RIT2: variants seen among roughly 807,000 people sequenced by gnomAD.
The protein encoded by RIT2 is Ras like without CAAX 2.
RIT2 carries 24 observed loss-of-function variants against 23.7 expected under a neutral mutation model. The ratio of observed to expected loss-of-function variants is 1.01; its 90% CI spans 0.73 to 1.43. The LOEUF (loss-of-function observed/expected upper bound fraction) is 1.43. Among genes scored for constraint, RIT2 ranks in the 40% most tolerant of loss-of-function variants. The probability of loss-of-function intolerance (pLI) is 0.00; values close to 1 mark genes in which losing one functional copy is unlikely to be tolerated. For missense variants in RIT2, 236 were observed against 266.9 expected (o/e 0.88, Z 0.81); for synonymous variants, 107 against 91.1 (o/e 1.17, Z -0.99).
At chr18:42,826,511 G>A (rs1906302076) in intron 4 of RIT2, among the ~76,000 whole-genome samples, 1 of 152,020 alleles carries the variant, frequency 6.6e-6, no homozygotes, top group Non-Finnish European at 1.5e-5. Flanking sequence ...CCAGCAACCT[G>A]AGATAAAGAA....
At chr18:42,780,059 T>TTTG (rs1913773928) in intron 4 of RIT2, among the ~76,000 whole-genome samples, 2 of 136,328 alleles carry the variant, frequency 1.5e-5, no homozygotes, top group Non-Finnish European at 3.2e-5. Flanking sequence ...TTTTTTTTTT[T>TTTG]TTTTTTTTTT....
intron 1 of RIT2, among the ~76,000 whole-genome samples, chr18:43,109,974 T>G (rs1913916249): frequency 6.6e-6 from 1 of 152,174 alleles, no homozygotes; most frequent in Non-Finnish European, 1.5e-5. Flanking sequence ...AGAAAGCCTG[T>G]GTTCATGTCC....
chr18:42,949,820 C>G (rs1909808107), intron 3 of RIT2, among the ~76,000 whole-genome samples: 1 of 152,106 alleles, frequency 6.6e-6, no homozygotes, highest in Non-Finnish European at 1.5e-5. Context: ...AAAAGTCTCA[C>G]TGAATCTTTA....
Position 42,808,905 on chromosome 18 carries a change from T to G in RIT2, c.427-65185A>C, listed in dbSNP as rs144638980. Among the ~76,000 whole-genome samples the G allele has an allele frequency of 4.9e-3, 748 of 152,234 alleles. 2 individuals carry two copies. Among genetic ancestry groups the G allele is most frequent in the Non-Finnish European group, 8.2e-3 (560 of 68,004 alleles). ...TATAAAATAATATTGATACCAGAAA[T>G]GCTGACCTCAAGCTTTACAGTAAAG... On this transcript the variant is annotated intron_variant, in intron 4 of 4. Transcript: ENST00000326695.
chr18:42,854,991 A>G (rs1907145984), intron 4 of RIT2, among the ~76,000 whole-genome samples: 1 of 152,210 alleles, frequency 6.6e-6, no homozygotes, highest in South Asian at 2.1e-4. Flanking sequence ...GAGTAGGTGT[A>G]AAAAACTTGG....
intron 1 of RIT2, among the ~76,000 whole-genome samples, chr18:43,095,563 A>G (rs1219325533): frequency 6.6e-6 from 1 of 151,994 alleles, no homozygotes; most frequent in African/African-American, 2.4e-5. Context: ...TTTAAAACTC[A>G]CTACTTGGGA....
intron 3 of RIT2, among the ~76,000 whole-genome samples, chr18:42,956,600 C>T (rs192893803): frequency 6.6e-6 from 1 of 152,176 alleles, no homozygotes; most frequent in African/African-American, 2.4e-5. Flanking sequence ...AAGAGAAATG[C>T]ATCTGTGGTC....
chr18:42,994,249 C>G (rs541846453), intron 2 of RIT2, among the ~76,000 whole-genome samples: 25 of 152,292 alleles, frequency 1.6e-4, no homozygotes, highest in Admixed American at 1.5e-3. Context: ...CACAAGGCTT[C>G]ACGGACAGCC....
At chr18:42,805,793 T>C (rs575390898) in intron 4 of RIT2, among the ~76,000 whole-genome samples, 3 of 152,124 alleles carry the variant, frequency 2.0e-5, no homozygotes, top group Non-Finnish European at 2.9e-5. Context: ...TTTCTAACTG[T>C]CCCTTACTCA....
At chr18:42,951,598 AATAT>A (rs980358582) in intron 3 of RIT2, among the ~76,000 whole-genome samples, 4 of 145,960 alleles carry the variant, frequency 2.7e-5, no homozygotes, top group Non-Finnish European at 5.9e-5. Context: ...AAAAGAAAAA[AATAT>A]ATATATATAT....
At chr18:43,058,881 C>T (rs933975258) in intron 1 of RIT2, among the ~76,000 whole-genome samples, 1 of 151,950 alleles carries the variant, frequency 6.6e-6, no homozygotes, top group Non-Finnish European at 1.5e-5. Context: ...CAGAGTGAGA[C>T]CCTGTCTCAA....
chr18:43,025,421 T>G (rs940153262), intron 2 of RIT2, among the ~76,000 whole-genome samples: 1 of 152,190 alleles, frequency 6.6e-6, no homozygotes, highest in African/African-American at 2.4e-5. Flanking sequence ...TTAGCAATCC[T>G]GCTACTGAGT....
intron 3 of RIT2, among the ~76,000 whole-genome samples, chr18:42,965,833 G>A (rs1261744369): frequency 2.1e-5 from 3 of 142,966 alleles, no homozygotes; most frequent in Non-Finnish European, 3.0e-5. Context: ...TATCACTGAT[G>A]TCATCAAAAA....
At chr18:43,103,727 G>C (rs1194513440) in intron 1 of RIT2, among the ~76,000 whole-genome samples, 2 of 152,166 alleles carry the variant, frequency 1.3e-5, no homozygotes, top group Admixed American at 1.3e-4. Context: ...AGTTTGTCTA[G>C]AAGGTAGATG....
At chr18:42,795,841 C>G (rs1403940472) in intron 4 of RIT2, among the ~76,000 whole-genome samples, 1 of 152,166 alleles carries the variant, frequency 6.6e-6, no homozygotes, top group Non-Finnish European at 1.5e-5. Context: ...CCAATCGACA[C>G]TCTGTATCTA....
intron 3 of RIT2, among the ~76,000 whole-genome samples, chr18:42,958,229 T>A (rs1271533565): frequency 6.6e-6 from 1 of 152,242 alleles, no homozygotes; most frequent in African/African-American, 2.4e-5. Flanking sequence ...AATTCTGTTT[T>A]AAAATGTAAT....
chr18:42,981,552 TA>T, intron 2 of RIT2, among the ~76,000 whole-genome samples: 1 of 152,094 alleles, frequency 6.6e-6, no homozygotes, highest in African/African-American at 2.4e-5. Context: ...TCCTGCTATG[TA>T]AAATTTAAAA....
chr18:42,800,253 T>TG (rs1339053285), intron 4 of RIT2, among the ~76,000 whole-genome samples: 55 of 152,348 alleles, frequency 3.6e-4, no homozygotes, highest in African/African-American at 1.3e-3. Context: ...TATACATGTT[T>TG]GAGGACAGCA....
At chr18:42,792,900 C>T (rs1914074650) in intron 4 of RIT2, among the ~76,000 whole-genome samples, 1 of 152,036 alleles carries the variant, frequency 6.6e-6, no homozygotes, top group South Asian at 2.1e-4. Flanking sequence ...TCTTTCTGCC[C>T]TCCTGTGCAA....
Sources: gnomAD v4.1 joint callset for allele counts (sites outside exome capture counted in the v4.1 genomes callset) on GRCh38, gnomAD v4.1.1 for gene constraint, MANE v1.5 for transcripts, NCBI Gene and HGNC (gene_info 2026-07-23, HGNC 2026-07-21) for gene names.